Variants in RAB11FIP4 observed in about 807,000 individuals in gnomAD.
RAB11FIP4 encodes the protein rab11 family-interacting protein 4.
Under a neutral mutation model 74.3 loss-of-function variants are expected in RAB11FIP4, and 23 were observed. That is an observed-to-expected ratio of 0.31 (90% confidence interval 0.22 to 0.44). The LOEUF (loss-of-function observed/expected upper bound fraction) is 0.44, where lower values mean the gene tolerates loss of function less well. RAB11FIP4 is among the 20% of genes least tolerant of loss of function. The pLI is 1.00. For missense variants in RAB11FIP4, 630 were observed against 863.9 expected (o/e 0.73, Z 3.39); for synonymous variants, 360 against 359.9 (o/e 1.00, Z 0.00).
At chr17:31,416,296 C>T (rs1011699245) in intron 1 of RAB11FIP4, among the ~76,000 whole-genome samples, 2 of 152,212 alleles carry the variant, frequency 1.3e-5, no homozygotes, top group Non-Finnish European at 2.9e-5. Context: ...GTAAGTCTGA[C>T]TGATTCCGTG....
At chr17:31,419,287 G>GT (rs61327359) in intron 1 of RAB11FIP4, among the ~76,000 whole-genome samples, 15,711 of 137,588 alleles carry the variant, frequency 0.11, 1,361 homozygotes, top group East Asian at 0.33. Flanking sequence ...GAGTTTTTTT[G>GT]TTTTTTTTTT....
At chr17:31,461,473 G>GC (rs1178038527) in intron 3 of RAB11FIP4, among the ~76,000 whole-genome samples, 1 of 152,168 alleles carries the variant, frequency 6.6e-6, no homozygotes, top group Non-Finnish European at 1.5e-5. Context: ...ATATCCCAGC[G>GC]CCCCTCTGGA....
Position 31,391,801 on chromosome 17 carries a change from G to GGCGGCGGGC in RAB11FIP4, c.-41_-33dup, listed in dbSNP as rs1000351119. The GGCGGCGGGC allele has an allele frequency of 1.9e-5, 19 of 978,600 alleles. No homozygotes were observed. Among genetic ancestry groups the GGCGGCGGGC allele is most frequent in the East Asian group, 1.1e-4 (1 of 8,734 alleles). 60.6% of individuals were successfully genotyped at this position (978,600 alleles called of 1,614,324 possible). A position where few individuals can be genotyped will look rare whatever the true frequency, so the allele number is the denominator to read the frequency against. ...CGCGCGGCGATGGCGGCGGCGGGCA[G>GGCGGCGGGC]GCGGCGGGCGCGGCGGGCGAGGGGT... is the stretch of plus-strand genomic sequence containing the variant. On this transcript the variant is annotated 5_prime_UTR_variant, in exon 1 of 15. Coordinates refer to ENST00000621161, the MANE Select transcript of RAB11FIP4 (RefSeq NM_032932.6).
At chr17:31,528,012 C>A in intron 11 of RAB11FIP4, 89 bp downstream of exon 11, 3 of 1,010,888 alleles carry the variant, frequency 3.0e-6, no homozygotes, top group East Asian at 2.6e-5. Context: ...AAATGCCGCA[C>A]CCCCTAAGAA....
intron 1 of RAB11FIP4, among the ~76,000 whole-genome samples, chr17:31,396,733 C>G (rs187161469): frequency 3.1e-4 from 47 of 152,246 alleles, no homozygotes; most frequent in South Asian, 1.4e-3. Flanking sequence ...CCAGAGATGT[C>G]CTGGACCACA....
chr17:31,468,926 A>C (rs1369620280), intron 3 of RAB11FIP4, among the ~76,000 whole-genome samples: 2 of 152,172 alleles, frequency 1.3e-5, no homozygotes, highest in African/African-American at 4.8e-5. Context: ...TGAGGGTCCT[A>C]GAAGCTTAAG....
chr17:31,418,114 G>T (rs9889866), intron 1 of RAB11FIP4, among the ~76,000 whole-genome samples: 1 of 152,008 alleles, frequency 6.6e-6, no homozygotes, highest in Non-Finnish European at 1.5e-5. Flanking sequence ...TAGGCTAGGC[G>T]TAGTGGCTCA....
At position 31,521,361 on chromosome 17, in the gene RAB11FIP4, G is replaced by T; in HGVS notation, c.758+1G>T. ...ACCTGGGGTCTTCGGTGTCTTCCAG[G>T]TGGCCCCTTGGTCTGGGATGTCATT... On this transcript the variant is annotated splice_donor_variant, in intron 5 of 14. Coordinates refer to ENST00000621161, the MANE Select transcript of RAB11FIP4 (RefSeq NM_032932.6). LOFTEE classifies it high-confidence loss of function. 1 of 1,594,674 alleles carries T rather than the reference G, an allele frequency of 6.3e-7. No homozygotes were observed. The highest frequency in any genetic ancestry group is 8.6e-7 in the Non-Finnish European group (1 of 1,168,454).
chr17:31,501,763 G>A (rs1183271580), intron 3 of RAB11FIP4: 9 of 194,904 alleles, frequency 4.6e-5, no homozygotes, highest in African/African-American at 9.4e-5. Flanking sequence ...TGATCCGCCC[G>A]CCTCGGCCTC....
intron 3 of RAB11FIP4, among the ~76,000 whole-genome samples, chr17:31,464,970 G>A (rs527947913): frequency 5.3e-5 from 8 of 151,556 alleles, no homozygotes; most frequent in South Asian, 2.1e-4. Flanking sequence ...TGTTGCCCAG[G>A]CTGGTCTCGA....
At chr17:31,517,985 C>A in intron 4 of RAB11FIP4, 108 bp downstream of exon 4, 1 of 841,640 alleles carries the variant, frequency 1.2e-6, no homozygotes, top group Non-Finnish European at 1.9e-6. Flanking sequence ...AAATTTGTAT[C>A]AGAGGCATTA....
chr17:31,404,635 A>T (rs2071026223), intron 1 of RAB11FIP4, among the ~76,000 whole-genome samples: 1 of 151,592 alleles, frequency 6.6e-6, no homozygotes, highest in African/African-American at 2.4e-5. Context: ...TGTCTGATCC[A>T]CTCTTTTACA....
rs1369368781 is a variant in RAB11FIP4 at position 31,532,585 on chromosome 17, T to C, written c.*853T>C. 2 of 152,412 alleles carry C rather than the reference T, an allele frequency of 1.3e-5. No individual in the cohort carries two copies. Among genetic ancestry groups the C allele is most frequent in the Non-Finnish European group, 2.9e-5 (2 of 68,022 alleles). 9.4% of individuals were successfully genotyped at this position (152,412 alleles called of 1,614,324 possible). Reference sequence around the variant, plus strand: ...CATCGGGCAACCAAAGAAATGAGTTTTGGGGAGGAACACAACTCCCATCCC... The same window carrying C: ...CATCGGGCAACCAAAGAAATGAGTTCTGGGGAGGAACACAACTCCCATCCC... On this transcript the variant is annotated 3_prime_UTR_variant, in exon 15 of 15. Transcript: ENST00000621161.
rs1047498384 is a variant in RAB11FIP4 at position 31,466,036 on chromosome 17, C to T, written c.336+31914C>T. The stretch of plus-strand genomic sequence containing the variant: ...CACGCGCCTGTAAGTCCCAGCTACT[C>T]GGGAGGGCGAGACAGGAGAATCGCT... On this transcript the variant is annotated intron_variant, in intron 3 of 14. Transcript: ENST00000621161. Among the ~76,000 whole-genome samples the T allele has an allele frequency of 4.9e-4, 73 of 150,440 alleles. 1 individual carries two copies. The highest frequency in any genetic ancestry group is 1.0e-3 in the Non-Finnish European group (69 of 67,786).
At chr17:31,493,788 C>T (rs866715780) in intron 3 of RAB11FIP4, among the ~76,000 whole-genome samples, 1 of 152,172 alleles carries the variant, frequency 6.6e-6, no homozygotes, top group African/African-American at 2.4e-5. Context: ...TTCACTCCCT[C>T]TGCCTGTGGG....
At position 31,534,820 on chromosome 17, in the gene RAB11FIP4, G is replaced by A. The variant is rs1320094369; in HGVS notation, c.*3088G>A. Reference sequence around the variant, plus strand: ...AGAGGTGTTTTGGGGGTGGGGCGAGGGTTTCTGTAGTAGACTCAGATTTTA... The same window carrying A: ...AGAGGTGTTTTGGGGGTGGGGCGAGAGTTTCTGTAGTAGACTCAGATTTTA... On this transcript the variant is annotated 3_prime_UTR_variant, in exon 15 of 15. Coordinates refer to ENST00000621161, the MANE Select transcript of RAB11FIP4 (RefSeq NM_032932.6). The A allele has an allele frequency of 1.3e-5, 2 of 154,154 alleles. No homozygotes were observed. The highest frequency in any genetic ancestry group is 2.4e-5 in the African/African-American group (1 of 41,456). The allele number at this position is 154,154 out of a possible 1,614,324, so 9.5% of individuals were successfully genotyped here. A position where few individuals can be genotyped will look rare whatever the true frequency, so the allele number is the denominator to read the frequency against.
In RAB11FIP4 at chr17:31,537,182, A is replaced by C. The variant is rs968681561; in HGVS notation, c.*5450A>C. ...CTGTACAGGATTTTCCACATTGCCC[A>C]CTGCCTCCTTTTCTACATCGTCTCA... On this transcript the variant is annotated 3_prime_UTR_variant, in exon 15 of 15. Transcript: ENST00000621161. The C allele has an allele frequency of 8.8e-5, 35 of 399,252 alleles. No homozygotes were observed. The highest frequency in any genetic ancestry group is 3.5e-4 in the Admixed American group (8 of 22,710). 24.7% of individuals were successfully genotyped at this position (399,252 alleles called of 1,614,324 possible). A position where few individuals can be genotyped will look rare whatever the true frequency, so the allele number is the denominator to read the frequency against.
intron 3 of RAB11FIP4, among the ~76,000 whole-genome samples, chr17:31,514,488 G>A (rs2072511035): frequency 6.6e-6 from 1 of 152,172 alleles, no homozygotes; most frequent in South Asian, 2.1e-4. Flanking sequence ...GGACCCGGCT[G>A]TAAACTCCCA....
chr17:31,466,316 G>A (rs1173405182), intron 3 of RAB11FIP4, among the ~76,000 whole-genome samples: 2 of 152,120 alleles, frequency 1.3e-5, no homozygotes, highest in South Asian at 2.1e-4. Flanking sequence ...TCCTGAATCC[G>A]CCACTTCTAG....
Sources: allele counts gnomAD v4.1 joint callset (sites outside exome capture counted in the v4.1 genomes callset), GRCh38; gene constraint gnomAD v4.1.1; transcripts MANE v1.5; gene names NCBI Gene and HGNC (gene_info 2026-07-23, HGNC 2026-07-21).